SF3B1: variants seen among roughly 807,000 people sequenced by gnomAD.
SF3B1 encodes the protein splicing factor 3b subunit 1.
A neutral mutation model predicts 153.8 loss-of-function variants in SF3B1; 12 were observed. That is an observed-to-expected ratio of 0.08 (90% confidence interval 0.05 to 0.13). SF3B1 has a LOEUF of 0.13. SF3B1 is among the 10% of genes least tolerant of loss of function. The pLI, the probability that SF3B1 is intolerant of heterozygous loss-of-function variation, is 1.00. For synonymous variants in SF3B1, 498 were observed against 525.2 expected (o/e 0.95, Z 0.71); for missense variants, 513 against 1,606.1 (o/e 0.32, Z 11.63).
At chr2:197,413,630 C>A (rs137937621) in intron 6 of SF3B1, among the ~76,000 whole-genome samples, 153 of 151,984 alleles carry the variant, frequency 1.0e-3, no homozygotes, top group Non-Finnish European at 2.0e-3. Context: ...GCAGTCTAGG[C>A]TAGAGCTAAT....
At chr2:197,432,482 T>C (rs932727389) in intron 1 of SF3B1, among the ~76,000 whole-genome samples, 3 of 152,254 alleles carry the variant, frequency 2.0e-5, no homozygotes, top group Non-Finnish European at 4.4e-5. Context: ...CCAGTTCTTT[T>C]TATATTTCAA....
intron 1 of SF3B1, among the ~76,000 whole-genome samples, chr2:197,432,401 G>A (rs2085453920): frequency 6.6e-6 from 1 of 152,220 alleles, no homozygotes; most frequent in African/African-American, 2.4e-5. Context: ...GCAAGATTAT[G>A]CATATTCATA....
intron 1 of SF3B1, among the ~76,000 whole-genome samples, chr2:197,428,907 G>A (rs1334224699): frequency 6.6e-6 from 1 of 151,848 alleles, no homozygotes; most frequent in East Asian, 1.9e-4. Flanking sequence ...GGAGGCAGAG[G>A]TTGCAGTGAG....
At chr2:197,431,529 A>T (rs1335063751) in intron 1 of SF3B1, among the ~76,000 whole-genome samples, 4 of 152,086 alleles carry the variant, frequency 2.6e-5, no homozygotes, top group Non-Finnish European at 5.9e-5. Context: ...TGTTCTAATC[A>T]CTGCTCATTA....
In SF3B1 at chr2:197,408,107, C is replaced by T; in HGVS notation, c.1130G>A (p.Ser377Asn). ...MATPTPGHIM[S>N]MTPEQLQAWR... ...AGCCTGAAGCTGTTCAGGAGTCATA[C>T]TCATTATGTGACCTACCAAGAAAAG... Residue 377 changes from serine (S) to asparagine (N), a missense_variant, in exon 9 of 25, where the codon AGT (serine) becomes AAT (asparagine). Around this residue, in one of 21 missense-constraint regions of SF3B1, gnomAD observed 15 missense variants for 94.8 expected, o/e 0.16. Coordinates refer to ENST00000335508, the MANE Select transcript of SF3B1 (RefSeq NM_012433.4). The T allele has an allele frequency of 1.2e-6, 2 of 1,613,316 alleles. No individual in the cohort carries two copies. Among genetic ancestry groups the T allele is most frequent in the Non-Finnish European group, 1.7e-6 (2 of 1,179,488 alleles).
chr2:197,422,883 A>G (rs1423778414), intron 2 of SF3B1, among the ~76,000 whole-genome samples: 1 of 145,550 alleles, frequency 6.9e-6, no homozygotes, highest in Non-Finnish European at 1.5e-5. Flanking sequence ...GAGTGAGACG[A>G]AAAAAAAAAA....
At chr2:197,411,161 G>A (rs534936477) in intron 6 of SF3B1, among the ~76,000 whole-genome samples, 126 of 152,238 alleles carry the variant, frequency 8.3e-4, no homozygotes, top group African/African-American at 2.9e-3. Flanking sequence ...AGGCTGAGAG[G>A]TGGGTTTAAG....
intron 5 of SF3B1, among the ~76,000 whole-genome samples, chr2:197,417,141 C>T (rs1025314802): frequency 6.6e-6 from 1 of 152,138 alleles, no homozygotes; most frequent in Non-Finnish European, 1.5e-5. Flanking sequence ...CGTAACATAG[C>T]ACACTGTAGT....
At chr2:197,422,977 T>C (rs1169001243) in intron 2 of SF3B1, among the ~76,000 whole-genome samples, 2 of 152,018 alleles carry the variant, frequency 1.3e-5, no homozygotes, top group Admixed American at 6.6e-5. Context: ...TCTGATAAAA[T>C]ATAAGCTACC....
Position 197,410,808 on chromosome 2 carries a change from C to G in SF3B1, c.667-801G>C, listed in dbSNP as rs1193715432. Among the ~76,000 whole-genome samples the G allele has an allele frequency of 2.6e-5, 4 of 152,122 alleles. No individual in the cohort carries two copies. In the East Asian group the frequency reaches 5.8e-4, roughly 22 times the overall value. The stretch of plus-strand genomic sequence containing the variant: ...CGTGAGCCACCGCACCAGGCCCCAC[C>G]TATGTAATTATAACCAGATACCGTC... On this transcript the variant is annotated intron_variant, in intron 6 of 24. Transcript: ENST00000335508.
intron 6 of SF3B1, 91 bp downstream of exon 6, chr2:197,416,650 G>C (rs1227769309): frequency 2.7e-6 from 3 of 1,101,866 alleles, no homozygotes; most frequent in Admixed American, 2.3e-5. Context: ...CCAGTCTGTG[G>C]TATCTTGCTA....
At position 197,392,286 on chromosome 2, in the gene SF3B1, C is replaced by T. The variant is rs779526970; in HGVS notation, c.*17G>A. 1 of 1,034,872 alleles carries T rather than the reference C, an allele frequency of 9.7e-7. No individual in the cohort carries two copies. The highest frequency in any genetic ancestry group is 1.5e-6 in the Non-Finnish European group (1 of 668,202). The allele number at this position is 1,034,872 out of a possible 1,614,324, so 64.1% of individuals were successfully genotyped here. ...GTGTGAAGTAGCTGTGCATTAAACACAAAATAAACAATAAAATTATAAGAT... is the reference window on the plus strand; with the variant it reads ...GTGTGAAGTAGCTGTGCATTAAACATAAAATAAACAATAAAATTATAAGAT... On this transcript the variant is annotated 3_prime_UTR_variant, in exon 25 of 25. Coordinates refer to ENST00000335508, the MANE Select transcript of SF3B1 (RefSeq NM_012433.4).
chr2:197,402,897 C>A lies in SF3B1; in HGVS notation c.1806+52G>T, dbSNP rs2105987822. 1 of 1,608,102 alleles carries A rather than the reference C, an allele frequency of 6.2e-7. No individual in the cohort carries two copies. On this transcript the variant is annotated intron_variant, in intron 13 of 24. Transcript: ENST00000335508. The surrounding 1 kb of genome is among the most constrained non-coding windows in gnomAD (Gnocchi z 4.6). ...ATCTTCAACCATTTCTTTCCATAATCAATTCCATAAACAGATATAAATTTT... is the reference window on the plus strand; with the variant it reads ...ATCTTCAACCATTTCTTTCCATAATAAATTCCATAAACAGATATAAATTTT...
chr2:197,429,896 T>C (rs1250977896), intron 1 of SF3B1, among the ~76,000 whole-genome samples: 2 of 152,190 alleles, frequency 1.3e-5, no homozygotes, highest in African/African-American at 4.8e-5. Flanking sequence ...CTTCCATTGC[T>C]TGTAGGCCCC....
At position 197,402,194 on chromosome 2, in the gene SF3B1, A is replaced by G. The variant is rs1325480404; in HGVS notation, c.2078-64T>C. 1 of 1,532,446 alleles carries G rather than the reference A, an allele frequency of 6.5e-7. No homozygotes were observed. 94.9% of individuals were successfully genotyped at this position (1,532,446 alleles called of 1,614,324 possible). On this transcript the variant is annotated intron_variant, in intron 14 of 24. Coordinates refer to ENST00000335508, the MANE Select transcript of SF3B1 (RefSeq NM_012433.4). The surrounding 1 kb of genome is among the most constrained non-coding windows in gnomAD (Gnocchi z 4.6). Reference sequence around the variant, plus strand: ...TTACCTAAGTTACACAATATCATCCAGATTCTCTCAATATATCAACTATTC... The same window carrying G: ...TTACCTAAGTTACACAATATCATCCGGATTCTCTCAATATATCAACTATTC...
intron 2 of SF3B1, among the ~76,000 whole-genome samples, chr2:197,421,371 C>A (rs1303792198): frequency 6.6e-6 from 1 of 152,052 alleles, no homozygotes; most frequent in Non-Finnish European, 1.5e-5. Context: ...TTTCTATAGA[C>A]GTCAATTAAG....
chr2:197,434,779 G>C (rs1229177893), intron 1 of SF3B1, among the ~76,000 whole-genome samples, 193 bp downstream of exon 1: 1 of 152,266 alleles, frequency 6.6e-6, no homozygotes, highest in African/African-American at 2.4e-5. Flanking sequence ...AGCGCCTGTC[G>C]GGGGTGTAAG....
Position 197,401,735 on chromosome 2 carries a change from T to A in SF3B1, c.2370+7A>T. On this transcript the variant is annotated splice_region_variant and intron_variant, in intron 16 of 24. Transcript: ENST00000335508. This position sits in a 1 kb window ranked among gnomAD's most constrained non-coding sequence, Gnocchi z 4.2. ...CCAGTTTACATTAACAAATCTGGAA[T>A]AATTACCTTCAGCACAATTTTTTTC... 1 of 1,605,860 alleles carries A rather than the reference T, an allele frequency of 6.2e-7. No individual in the cohort carries two copies. The highest frequency in any genetic ancestry group is 8.5e-7 in the Non-Finnish European group (1 of 1,177,430).
intron 1 of SF3B1, 112 bp from the exon 2 acceptor site, chr2:197,424,086 T>A: frequency 1.1e-6 from 1 of 902,276 alleles, no homozygotes; most frequent in Non-Finnish European, 1.7e-6. Context: ...ACAGAAAATG[T>A]ACAATAATTG....
Sources: gnomAD v4.1 joint callset for allele counts (sites outside exome capture counted in the v4.1 genomes callset) on GRCh38, gnomAD v4.1.1 for gene constraint, gnomAD v4.1.1 regional missense constraint, Gnocchi (gnomAD v3.1) non-coding constraint, MANE v1.5 for transcripts, NCBI Gene and HGNC (gene_info 2026-07-23, HGNC 2026-07-21) for gene names.